EPSTI1: variants seen among roughly 807,000 people sequenced by gnomAD.
EPSTI1 encodes epithelial stromal interaction 1.
Under a neutral mutation model 49.9 loss-of-function variants are expected in EPSTI1, and 66 were observed. That is an observed-to-expected ratio of 1.32 (90% CI 1.08 to 1.62). The LOEUF is 1.62. Among genes scored for constraint, EPSTI1 ranks in the 40% most tolerant of loss-of-function variants. The pLI is 0.00. For missense variants in EPSTI1, 394 were observed against 365.5 expected (o/e 1.08, Z -0.64); for synonymous variants, 137 against 130.7 (o/e 1.05, Z -0.33).
intron 7 of EPSTI1, among the ~76,000 whole-genome samples, chr13:42,925,894 C>T (rs2038156379): frequency 6.6e-6 from 1 of 152,142 alleles, no homozygotes; most frequent in South Asian, 2.1e-4. Flanking sequence ...GCTCTGTGCT[C>T]AGCAGTTTGC....
intron 6 of EPSTI1, among the ~76,000 whole-genome samples, chr13:42,932,248 C>A (rs1280577947): frequency 8.4e-6 from 1 of 119,490 alleles, no homozygotes; most frequent in Non-Finnish European, 1.9e-5. Flanking sequence ...ACGATTAAAC[C>A]ATGCTTAATA....
chr13:42,937,592 C>G (rs2038607403), intron 6 of EPSTI1, among the ~76,000 whole-genome samples: 1 of 152,132 alleles, frequency 6.6e-6, no homozygotes, highest in African/African-American at 2.4e-5. Flanking sequence ...TTAAGAAATC[C>G]CTTTCTTTGC....
intron 10 of EPSTI1, among the ~76,000 whole-genome samples, chr13:42,890,790 T>A (rs2037014814): frequency 6.6e-6 from 1 of 152,144 alleles, no homozygotes; most frequent in Non-Finnish European, 1.5e-5. Context: ...AATAATTGTA[T>A]CATCTGTGAT....
At chr13:42,909,938 A>G (rs9562438) in intron 8 of EPSTI1, among the ~76,000 whole-genome samples, 34,579 of 152,150 alleles carry the variant, frequency 0.23, 4,243 homozygotes, top group East Asian at 0.47. Flanking sequence ...TTGAAAATGC[A>G]AAGAATGTTA....
At chr13:42,893,161 T>C (rs970844606) in intron 10 of EPSTI1, among the ~76,000 whole-genome samples, 15 of 152,170 alleles carry the variant, frequency 9.9e-5, no homozygotes, top group African/African-American at 3.1e-4. Flanking sequence ...TTTTGATGTT[T>C]TACTCTGAAG....
chr13:42,890,632 T>G (rs1424656112), intron 10 of EPSTI1, among the ~76,000 whole-genome samples: 1 of 152,204 alleles, frequency 6.6e-6, no homozygotes, highest in Non-Finnish European at 1.5e-5. Context: ...TCATTCATAT[T>G]TTTGGTTGGA....
chr13:42,982,749 A>G (rs9315979), intron 1 of EPSTI1, among the ~76,000 whole-genome samples: 96,521 of 151,730 alleles, frequency 0.64, 31,093 homozygotes, highest in Non-Finnish European at 0.67. Flanking sequence ...AAAGGAGGAA[A>G]GCCTCTCTGA....
rs569447626 is a variant in EPSTI1, at chr13:42,959,518, AG to A, written c.489+3736del. ...ACTACTTGCTTCCTAGAAATAAGAA[AG>A]CAACAAGTGTGATCCCTTAACATGT... On this transcript the variant is annotated intron_variant, in intron 5 of 10. Transcript: ENST00000313624. 1.2e-3 allele frequency among the ~76,000 whole-genome samples: 190 copies of A among 152,374 alleles called. 1 individual carries two copies. Among genetic ancestry groups the A allele is most frequent in the African/African-American group, 4.3e-3 (178 of 41,598 alleles).
chr13:42,909,917 TTATTA>T (rs1170684569), intron 8 of EPSTI1, among the ~76,000 whole-genome samples: 1 of 152,132 alleles, frequency 6.6e-6, no homozygotes. Context: ...TAATGATCAT[TTATTA>T]TATTCTTGAA....
rs1021302507 is a variant in EPSTI1, at chr13:42,945,252, G to A, written c.563+8696C>T. Among the ~76,000 whole-genome samples the A allele has an allele frequency of 5.3e-5, 8 of 152,154 alleles. No individual in the cohort carries two copies. In the South Asian group the frequency reaches 6.2e-4, roughly 12 times the overall value. The stretch of plus-strand genomic sequence containing the variant: ...AAGAAACAGTGGGTGCAGGGGAACC[G>A]CCCTTTATAAAATCACCAGATCTCA... On this transcript the variant is annotated intron_variant, in intron 6 of 10. Coordinates refer to ENST00000313624, the MANE Select transcript of EPSTI1 (RefSeq NM_033255.5).
At chr13:42,958,941 G>T (rs1385918588) in intron 5 of EPSTI1, among the ~76,000 whole-genome samples, 1 of 152,050 alleles carries the variant, frequency 6.6e-6, no homozygotes, top group Non-Finnish European at 1.5e-5. Flanking sequence ...TGAAATAATT[G>T]AACCCATCCA....
At position 42,949,557 on chromosome 13, in the gene EPSTI1, A is replaced by G. The variant is rs141712955; in HGVS notation, c.563+4391T>C. On this transcript the variant is annotated intron_variant, in intron 6 of 10. Transcript: ENST00000313624. ...CAGTGAGCTGAGATTGAGCCACTGC[A>G]CTCCAGCCTGGGCAACAGAACAAGA... 2.8e-3 allele frequency among the ~76,000 whole-genome samples: 409 copies of G among 147,696 alleles called. 2 individuals are homozygous for G. Among genetic ancestry groups the G allele is most frequent in the African/African-American group, 9.8e-3 (390 of 39,810 alleles).
At chr13:42,969,854 C>A (rs1173644838) in intron 2 of EPSTI1, 1 of 152,302 alleles carries the variant, frequency 6.6e-6, no homozygotes, top group Non-Finnish European at 1.5e-5. Context: ...ACTAGAAAAA[C>A]AAATTCTGAA....
chr13:42,963,029 T>G (rs757309109), intron 5 of EPSTI1, among the ~76,000 whole-genome samples: 4 of 152,084 alleles, frequency 2.6e-5, no homozygotes, highest in Non-Finnish European at 5.9e-5. Flanking sequence ...CAGGCTATGC[T>G]CCGTAAAGAG....
At chr13:42,957,366 A>T (rs2039303596) in intron 5 of EPSTI1, among the ~76,000 whole-genome samples, 1 of 152,210 alleles carries the variant, frequency 6.6e-6, no homozygotes, top group Non-Finnish European at 1.5e-5. Flanking sequence ...TGCAGAAATC[A>T]GTACAAACAA....
intron 5 of EPSTI1, among the ~76,000 whole-genome samples, chr13:42,959,113 G>A (rs2039365989): frequency 6.6e-6 from 1 of 152,162 alleles, no homozygotes; most frequent in Non-Finnish European, 1.5e-5. Context: ...TAAGGGCTGT[G>A]TATATATTGC....
rs1594652313 is a variant in EPSTI1 at position 42,922,474 on chromosome 13, G to A, written c.657+3862C>T. ...GGAGCCATGCAGCCGTGTGCCAAGG[G>A]TTTGCGGGGACAGGGGACAGATGCC... is the stretch of plus-strand genomic sequence containing the variant. On this transcript the variant is annotated intron_variant, in intron 7 of 10. Coordinates refer to ENST00000313624, the MANE Select transcript of EPSTI1 (RefSeq NM_033255.5). This position sits in a 1 kb window ranked among gnomAD's most constrained non-coding sequence, Gnocchi z 4.8. 6.6e-6 allele frequency among the ~76,000 whole-genome samples: 1 copy of A among 152,254 alleles called. No homozygotes were observed. The highest frequency in any genetic ancestry group is 2.1e-4 in the South Asian group (1 of 4,822).
chr13:42,921,300 T>A (rs979961714), intron 7 of EPSTI1, among the ~76,000 whole-genome samples: 1 of 152,180 alleles, frequency 6.6e-6, no homozygotes, highest in African/African-American at 2.4e-5. Context: ...GCCTTGGATT[T>A]CTCAGGAACC....
At chr13:42,937,282 C>T (rs1392633970) in intron 6 of EPSTI1, among the ~76,000 whole-genome samples, 3 of 152,154 alleles carry the variant, frequency 2.0e-5, no homozygotes, top group Non-Finnish European at 2.9e-5. Context: ...GCTGGAGGCT[C>T]TTGTTGATAA....
Sources: allele counts gnomAD v4.1 joint callset (sites outside exome capture counted in the v4.1 genomes callset), GRCh38; gene constraint gnomAD v4.1.1; non-coding constraint Gnocchi (gnomAD v3.1); transcripts MANE v1.5; gene names NCBI Gene and HGNC (gene_info 2026-07-23, HGNC 2026-07-21).